Variants in SPOCK3 observed in about 807,000 individuals in gnomAD.
SPOCK3 encodes the protein testican-3.
In SPOCK3, 30 loss-of-function variants were observed where a neutral mutation model predicts 56.6. That is an observed-to-expected ratio of 0.53 (90% confidence interval 0.40 to 0.72). SPOCK3 has a LOEUF of 0.72. SPOCK3 is among the 30% of genes least tolerant of loss of function. The probability of loss-of-function intolerance (pLI) is 0.00; values close to 1 mark genes in which losing one functional copy is unlikely to be tolerated. For missense variants in SPOCK3, 527 were observed against 530.0 expected (o/e 0.99, Z 0.06); for synonymous variants, 196 against 183.3 (o/e 1.07, Z -0.56).
chr4:166,765,111 T>C (rs887447881), intron 7 of SPOCK3, among the ~76,000 whole-genome samples: 4 of 152,200 alleles, frequency 2.6e-5, no homozygotes, highest in Non-Finnish European at 5.9e-5. Context: ...ATGAGTAGAT[T>C]GCAGAAATTT....
At chr4:167,034,052 T>C (rs1752514339) in intron 3 of SPOCK3, among the ~76,000 whole-genome samples, 1 of 152,068 alleles carries the variant, frequency 6.6e-6, no homozygotes, top group African/African-American at 2.4e-5. Context: ...CACTATCTTC[T>C]TGCAGAAATA....
At chr4:166,782,214 T>A (rs1003210713) in intron 7 of SPOCK3, among the ~76,000 whole-genome samples, 10 of 152,256 alleles carry the variant, frequency 6.6e-5, no homozygotes, top group Non-Finnish European at 1.5e-4. Flanking sequence ...TATTACTTTT[T>A]ACTTGTTTTT....
At chr4:166,965,989 C>A (rs1744693210) in intron 4 of SPOCK3, among the ~76,000 whole-genome samples, 1 of 152,076 alleles carries the variant, frequency 6.6e-6, no homozygotes, top group Non-Finnish European at 1.5e-5. Context: ...ATCCTCTGTG[C>A]TCCACCTTTC....
rs890986569 is a variant in SPOCK3, at chr4:166,952,726, C to T, written c.351-39983G>A. Among the ~76,000 whole-genome samples the T allele has an allele frequency of 2.0e-5, 3 of 152,050 alleles. No homozygotes were observed. In the South Asian group the frequency reaches 6.2e-4, roughly 32 times the overall value. ...AACCAAAACAGCATGGTACTGGTAC[C>T]AAAACAGAGATATAGATTAATGGAA... On this transcript the variant is annotated intron_variant, in intron 4 of 10. Coordinates refer to ENST00000357545, the MANE Select transcript of SPOCK3 (RefSeq NM_001040159.2).
At chr4:167,128,015 G>A (rs1762421700) in intron 2 of SPOCK3, among the ~76,000 whole-genome samples, 1 of 152,116 alleles carries the variant, frequency 6.6e-6, no homozygotes, top group South Asian at 2.1e-4. Context: ...AGAACTTGCA[G>A]AATCAATTAT....
intron 3 of SPOCK3, among the ~76,000 whole-genome samples, chr4:167,030,581 C>T (rs1752181622): frequency 6.6e-6 from 1 of 151,998 alleles, no homozygotes; most frequent in Admixed American, 6.6e-5. Flanking sequence ...ATATATTAGC[C>T]TGTTTACATT....
chr4:167,173,748 C>T (rs1184006442), intron 2 of SPOCK3, among the ~76,000 whole-genome samples: 1 of 151,944 alleles, frequency 6.6e-6, no homozygotes, highest in Non-Finnish European at 1.5e-5. Flanking sequence ...TCTCAGAGTA[C>T]AGTGAGAAAA....
At chr4:166,827,838 G>GAAAA (rs70955696) in intron 6 of SPOCK3, among the ~76,000 whole-genome samples, 1 of 144,958 alleles carries the variant, frequency 6.9e-6, no homozygotes, top group Non-Finnish European at 1.5e-5. Context: ...CTCATCAAGG[G>GAAAA]AAAAAAAAAA....
intron 2 of SPOCK3, among the ~76,000 whole-genome samples, chr4:167,095,943 T>A (rs1759110426): frequency 6.6e-6 from 1 of 151,910 alleles, no homozygotes. Context: ...ATACAAATGT[T>A]ACTGGCTTTC....
intron 6 of SPOCK3, among the ~76,000 whole-genome samples, chr4:166,846,237 A>G (rs1438582478): frequency 6.6e-6 from 1 of 152,184 alleles, no homozygotes. Context: ...AAGGAAAATT[A>G]GAGAAATGCT....
intron 2 of SPOCK3, among the ~76,000 whole-genome samples, chr4:167,205,714 G>A (rs1734259245): frequency 7.1e-6 from 1 of 141,026 alleles, no homozygotes; most frequent in Admixed American, 7.5e-5. Context: ...CGGGGTTTAA[G>A]CAATTCTCCT....
At chr4:166,943,430 A>G (rs1376068619) in intron 4 of SPOCK3, among the ~76,000 whole-genome samples, 1 of 152,236 alleles carries the variant, frequency 6.6e-6, no homozygotes. Flanking sequence ...GAGACATAAT[A>G]GTAAAAAGTC....
chr4:167,187,954 T>A (rs2110821804), intron 2 of SPOCK3, among the ~76,000 whole-genome samples: 1 of 152,260 alleles, frequency 6.6e-6, no homozygotes, highest in South Asian at 2.1e-4. Context: ...CACTCTACCC[T>A]GAACTGAGTG....
At chr4:166,850,879 C>A (rs1215041548) in intron 6 of SPOCK3, among the ~76,000 whole-genome samples, 1 of 152,166 alleles carries the variant, frequency 6.6e-6, no homozygotes, top group Admixed American at 6.5e-5. Context: ...AAGGTGGCAG[C>A]GAGGCTGGGG....
At chr4:166,787,586 G>T (rs559577723) in intron 7 of SPOCK3, among the ~76,000 whole-genome samples, 127 of 152,038 alleles carry the variant, frequency 8.4e-4, no homozygotes, top group Non-Finnish European at 1.4e-3. Context: ...ACAAACAAGC[G>T]TTTTTATACA....
At chr4:166,841,659 C>CCTT (rs58077598) in intron 6 of SPOCK3, among the ~76,000 whole-genome samples, 56,566 of 151,772 alleles carry the variant, frequency 0.37, 12,325 homozygotes, top group East Asian at 0.73. Context: ...CATAAATGCC[C>CCTT]TTTTGCATAC....
intron 2 of SPOCK3, among the ~76,000 whole-genome samples, chr4:167,123,873 G>C (rs1185277218): frequency 6.6e-6 from 1 of 150,466 alleles, no homozygotes; most frequent in Non-Finnish European, 1.5e-5. Context: ...AGCCTCCCAA[G>C]TAGCTGGGAC....
chr4:166,864,199 T>C (rs916164625), intron 6 of SPOCK3, among the ~76,000 whole-genome samples: 2 of 152,032 alleles, frequency 1.3e-5, no homozygotes, highest in Non-Finnish European at 2.9e-5. Context: ...AATAACAAAA[T>C]TAAGGCAGAA....
At chr4:167,065,306 C>T (rs1206825770) in intron 2 of SPOCK3, among the ~76,000 whole-genome samples, 1 of 151,736 alleles carries the variant, frequency 6.6e-6, no homozygotes, top group African/African-American at 2.4e-5. Flanking sequence ...GATGTCAAAG[C>T]AGCATGTTTC....
Sources: gnomAD v4.1 joint callset for allele counts (sites outside exome capture counted in the v4.1 genomes callset) on GRCh38, gnomAD v4.1.1 for gene constraint, MANE v1.5 for transcripts, NCBI Gene and HGNC (gene_info 2026-07-23, HGNC 2026-07-21) for gene names.